The following FAM227B variants were observed in gnomAD, a reference collection of about 807,000 sequenced individuals.
The protein encoded by FAM227B is protein FAM227B.
Under a neutral mutation model 73.8 loss-of-function variants are expected in FAM227B, and 88 were observed. That is an observed-to-expected ratio of 1.19 (90% CI 1.00 to 1.42). The LOEUF (loss-of-function observed/expected upper bound fraction) is 1.42. Among genes scored for constraint, FAM227B ranks in the 40% most tolerant of loss-of-function variants. The probability of loss-of-function intolerance (pLI) is 0.00; values close to 1 mark genes in which losing one functional copy is unlikely to be tolerated. For missense variants in FAM227B, 632 were observed against 590.9 expected (o/e 1.07, Z -0.72); for synonymous variants, 210 against 190.5 (o/e 1.10, Z -0.84).
chr15:49,410,316 C>T (rs1429710975), intron 11 of FAM227B, among the ~76,000 whole-genome samples: 1 of 152,134 alleles, frequency 6.6e-6, no homozygotes, highest in African/African-American at 2.4e-5. Flanking sequence ...ACCCTGACAG[C>T]TCCCCATAGG....
At chr15:49,400,951 C>G (rs1485442580) in intron 11 of FAM227B, among the ~76,000 whole-genome samples, 1 of 151,428 alleles carries the variant, frequency 6.6e-6, no homozygotes, top group African/African-American at 2.5e-5. Flanking sequence ...GCAAGGACTT[C>G]ATGTCTAAAC....
chr15:49,616,003 A>C (rs554780059), intron 1 of FAM227B, among the ~76,000 whole-genome samples: 4 of 152,204 alleles, frequency 2.6e-5, no homozygotes, highest in Non-Finnish European at 5.9e-5. Context: ...TAAAATCTGA[A>C]AGATCAGTAC....
intron 10 of FAM227B, among the ~76,000 whole-genome samples, chr15:49,520,363 C>T (rs1197773196): frequency 6.6e-6 from 1 of 152,124 alleles, no homozygotes; most frequent in African/African-American, 2.4e-5. Context: ...TTCTTCTGAG[C>T]CCTCCAAACT....
At chr15:49,459,664 C>T (rs1250796619) in intron 11 of FAM227B, among the ~76,000 whole-genome samples, 1 of 152,080 alleles carries the variant, frequency 6.6e-6, no homozygotes, top group Non-Finnish European at 1.5e-5. Context: ...CTATAGTTCT[C>T]TACACTATTA....
At chr15:49,413,238 C>T (rs1000748889) in intron 11 of FAM227B, among the ~76,000 whole-genome samples, 5 of 152,072 alleles carry the variant, frequency 3.3e-5, no homozygotes, top group Non-Finnish European at 7.4e-5. Context: ...TGCCTCCATA[C>T]TGTTCTCATG....
At chr15:49,510,691 G>T (rs992736339) in intron 10 of FAM227B, among the ~76,000 whole-genome samples, 31 of 151,972 alleles carry the variant, frequency 2.0e-4, no homozygotes, top group African/African-American at 7.2e-4. Flanking sequence ...TCCATTTCTT[G>T]ACTCTCATCT....
In FAM227B at chr15:49,589,769, G is replaced by A; in HGVS notation, c.337+7C>T. On this transcript the variant is annotated splice_region_variant and intron_variant, in intron 4 of 15. Coordinates refer to ENST00000299338, the MANE Select transcript of FAM227B (RefSeq NM_152647.3). ...TTCTATAAAAGATAAAAATAAATAA[G>A]GCTCACTTGTCTCAGAAATCATGCT... is the stretch of plus-strand genomic sequence containing the variant. 3 of 1,501,448 alleles carry A rather than the reference G, an allele frequency of 2.0e-6. No homozygotes were observed. Among genetic ancestry groups the A allele is most frequent in the Non-Finnish European group, 2.8e-6 (3 of 1,082,266 alleles). 93.0% of individuals were successfully genotyped at this position (1,501,448 alleles called of 1,614,324 possible).
intron 10 of FAM227B, among the ~76,000 whole-genome samples, chr15:49,512,123 G>A (rs1427810378): frequency 6.6e-6 from 1 of 152,024 alleles, no homozygotes; most frequent in Non-Finnish European, 1.5e-5. Context: ...AGTTACACAC[G>A]TAGGCACATA....
intron 10 of FAM227B, among the ~76,000 whole-genome samples, chr15:49,535,555 C>G (rs576759794): frequency 3.9e-4 from 59 of 151,882 alleles, no homozygotes; most frequent in African/African-American, 1.4e-3. Flanking sequence ...AGAATACTCC[C>G]AAACACACTT....
intron 3 of FAM227B, among the ~76,000 whole-genome samples, chr15:49,595,216 G>A (rs1009416843): frequency 1.3e-5 from 2 of 151,924 alleles, no homozygotes; most frequent in African/African-American, 4.8e-5. Flanking sequence ...AATTGTAAAA[G>A]AGGTGGAGTT....
At chr15:49,490,702 C>T (rs777488564) in intron 11 of FAM227B, among the ~76,000 whole-genome samples, 10 of 151,900 alleles carry the variant, frequency 6.6e-5, no homozygotes, top group Admixed American at 2.6e-4. Flanking sequence ...CGAAAAATGA[C>T]GAATGTACCT....
intron 13 of FAM227B, chr15:49,353,639 C>A (rs1008747230): frequency 2.1e-5 from 3 of 140,410 alleles, no homozygotes; most frequent in Non-Finnish European, 3.0e-5. Flanking sequence ...TGTAAAATCT[C>A]ATAAATAATA....
intron 11 of FAM227B, among the ~76,000 whole-genome samples, chr15:49,392,971 T>C (rs972982680): frequency 1.3e-5 from 2 of 152,146 alleles, no homozygotes; most frequent in African/African-American, 4.8e-5. Flanking sequence ...AGTGTAGTTT[T>C]TTGTAATAGC....
chr15:49,454,121 A>G (rs1328947554), intron 11 of FAM227B, among the ~76,000 whole-genome samples: 1 of 152,180 alleles, frequency 6.6e-6, no homozygotes, highest in African/African-American at 2.4e-5. Flanking sequence ...TTAATGTACA[A>G]CATAGATGGG....
At chr15:49,489,367 T>C in intron 11 of FAM227B, 3 of 984,780 alleles carry the variant, frequency 3.0e-6, no homozygotes, top group Non-Finnish European at 3.6e-6. Context: ...TGATTCTTCC[T>C]TGAGGGATAC....
At chr15:49,337,539 ATTATACT>A (rs954320926) in intron 13 of FAM227B, among the ~76,000 whole-genome samples, 4 of 47,110 alleles carry the variant, frequency 8.5e-5, no homozygotes, top group African/African-American at 3.3e-4. Context: ...TTTTTTTAGT[ATTATACT>A]TTAAGTTCTG....
chr15:49,358,982 T>C (rs1352015288), intron 13 of FAM227B, among the ~76,000 whole-genome samples: 2 of 151,038 alleles, frequency 1.3e-5, no homozygotes, highest in African/African-American at 4.9e-5. Flanking sequence ...AAACAAGCAA[T>C]GGGGAAAGGA....
intron 13 of FAM227B, among the ~76,000 whole-genome samples, chr15:49,337,241 CTGTTT>C (rs1412620388): frequency 1.3e-5 from 2 of 152,116 alleles, no homozygotes; most frequent in African/African-American, 2.4e-5. Context: ...AACGGTAGTT[CTGTTT>C]TAAGTTCTTT....
intron 13 of FAM227B, among the ~76,000 whole-genome samples, chr15:49,354,230 G>C (rs1308623493): frequency 1.3e-5 from 2 of 152,108 alleles, no homozygotes; most frequent in South Asian, 4.1e-4. Flanking sequence ...AAAAGTCTGT[G>C]TATGGGGAGG....
Sources: allele counts gnomAD v4.1 joint callset (sites outside exome capture counted in the v4.1 genomes callset), GRCh38; gene constraint gnomAD v4.1.1; transcripts MANE v1.5; gene names NCBI Gene and HGNC (gene_info 2026-07-23, HGNC 2026-07-21).